SPTLC1: variants seen among roughly 807,000 people sequenced by gnomAD.
SPTLC1 encodes serine palmitoyltransferase long chain base subunit 1, also known as serine palmitoyltransferase 1.
SPTLC1 carries 55 observed loss-of-function variants against 68.9 expected under a neutral mutation model. That is an observed-to-expected ratio of 0.80 (90% CI 0.64 to 1.00). The LOEUF is 1.00. Among genes scored for constraint, SPTLC1 ranks in the 50% least tolerant of loss-of-function variants. The pLI is 0.00. For synonymous variants in SPTLC1, 197 were observed against 201.6 expected (o/e 0.98, Z 0.19); for missense variants, 449 against 573.1 (o/e 0.78, Z 2.21).
intron 2 of SPTLC1, chr9:92,112,020 A>G (rs543032297): frequency 6.1e-6 from 1 of 165,270 alleles, no homozygotes; most frequent in East Asian, 1.7e-4. Context: ...TTGATTTACC[A>G]TACACATAAA....
chr9:92,066,257 G>A (rs775836760), intron 6 of SPTLC1, among the ~76,000 whole-genome samples: 3 of 152,186 alleles, frequency 2.0e-5, no homozygotes, highest in Non-Finnish European at 4.4e-5. Context: ...GTGTGTGGGA[G>A]GGAGGCTTGA....
chr9:92,096,412 A>C (rs986267925), intron 3 of SPTLC1, among the ~76,000 whole-genome samples: 1 of 152,160 alleles, frequency 6.6e-6, no homozygotes, highest in African/African-American at 2.4e-5. Flanking sequence ...AAATCATCTT[A>C]TTATACATCT....
At chr9:92,075,167 TC>T (rs1235482114) in intron 5 of SPTLC1, among the ~76,000 whole-genome samples, 2 of 152,040 alleles carry the variant, frequency 1.3e-5, no homozygotes, top group Non-Finnish European at 2.9e-5. Context: ...GTACAGAGTA[TC>T]CCCCTCCAAA....
In SPTLC1 at chr9:92,032,285, T is replaced by C; in HGVS notation, c.*180A>G. 2 of 1,532,988 alleles carry C rather than the reference T, an allele frequency of 1.3e-6. No individual in the cohort carries two copies. Among genetic ancestry groups the C allele is most frequent in the Non-Finnish European group, 1.7e-6 (2 of 1,145,380 alleles). 95.0% of individuals were successfully genotyped at this position (1,532,988 alleles called of 1,614,324 possible). ...CTGGGCTTTTAGATGTGTTTTCTTT[T>C]TAAAAAAAATAAGCATCCTTCTCAT... On this transcript the variant is annotated 3_prime_UTR_variant, in exon 15 of 15. Coordinates refer to ENST00000262554, the MANE Select transcript of SPTLC1 (RefSeq NM_006415.4).
intron 6 of SPTLC1, among the ~76,000 whole-genome samples, chr9:92,059,840 C>T (rs751424873): frequency 7.9e-5 from 12 of 152,162 alleles, no homozygotes; most frequent in Non-Finnish European, 1.3e-4. Flanking sequence ...CTTTGACCCT[C>T]GAGAGGCTGT....
intron 3 of SPTLC1, among the ~76,000 whole-genome samples, chr9:92,107,542 G>A (rs1236747784): frequency 6.6e-6 from 1 of 152,220 alleles, no homozygotes; most frequent in Admixed American, 6.5e-5. Flanking sequence ...CACAAAGTCA[G>A]GAAATCGAGA....
At chr9:92,052,956 C>A (rs1299631130) in intron 8 of SPTLC1, among the ~76,000 whole-genome samples, 1 of 151,280 alleles carries the variant, frequency 6.6e-6, no homozygotes, top group African/African-American at 2.4e-5. Flanking sequence ...ATGAAACAAA[C>A]CCCCACAAAA....
At chr9:92,048,595 C>T (rs1273218637) in intron 9 of SPTLC1, among the ~76,000 whole-genome samples, 1 of 152,156 alleles carries the variant, frequency 6.6e-6, no homozygotes, top group Non-Finnish European at 1.5e-5. Flanking sequence ...CACCTATATC[C>T]CCTACCACCC....
chr9:92,054,291 A>G (rs1564090168), intron 8 of SPTLC1, among the ~76,000 whole-genome samples: 1 of 152,188 alleles, frequency 6.6e-6, no homozygotes, highest in Non-Finnish European at 1.5e-5. Flanking sequence ...CAAACAAAAA[A>G]CAAAACACAA....
rs150918358 is a variant in SPTLC1, at chr9:92,062,134, G to A, written c.561-2826C>T. Among the ~76,000 whole-genome samples, 1,218 of 152,138 alleles carry A rather than the reference G, an allele frequency of 8.0e-3. 3 individuals carry two copies. The highest frequency in any genetic ancestry group is 0.012 in the Non-Finnish European group (831 of 67,980). On this transcript the variant is annotated intron_variant, in intron 6 of 14. Coordinates refer to ENST00000262554, the MANE Select transcript of SPTLC1 (RefSeq NM_006415.4). The stretch of plus-strand genomic sequence containing the variant: ...AATAATATAGGTAGTAAAAAATACA[G>A]ATTTATACACACAACTATGTAATAT...
chr9:92,084,361 T>A (rs1436030018), intron 3 of SPTLC1, among the ~76,000 whole-genome samples: 2 of 152,170 alleles, frequency 1.3e-5, no homozygotes, highest in African/African-American at 4.8e-5. Context: ...CCATTCAGCA[T>A]GATATTGGCT....
chr9:92,108,479 T>C (rs1178525520), intron 3 of SPTLC1: 1 of 417,714 alleles, frequency 2.4e-6, no homozygotes, highest in African/African-American at 2.0e-5. Flanking sequence ...TCATTTTAAG[T>C]GTTCGACCAT....
rs1833856023 is a variant in SPTLC1, at chr9:92,055,457, A to G, written c.728T>C (p.Val243Ala). ...RKARVTRRFI[V>A]VEGLYMNTGT... Reference sequence around the variant, plus strand: ...AGTATTCATATACAATCCTTCTACTACAATGAAACGCCGAGTTACACGAGC... The same window carrying G: ...AGTATTCATATACAATCCTTCTACTGCAATGAAACGCCGAGTTACACGAGC... The change falls in exon 8 of 15, where the codon GTA (valine) becomes GCA (alanine). Residue 243 changes from valine to alanine, a missense_variant. Physicochemically the swap from Val to Ala is moderately conservative, Grantham distance 64. Transcript: ENST00000262554. 6.2e-7 allele frequency: 1 copy of G among 1,613,840 alleles called. No individual in the cohort carries two copies. The highest frequency in any genetic ancestry group is 8.5e-7 in the Non-Finnish European group (1 of 1,179,946).
At chr9:92,113,235 T>A (rs1836311383) in intron 1 of SPTLC1, among the ~76,000 whole-genome samples, 1 of 152,216 alleles carries the variant, frequency 6.6e-6, no homozygotes, top group Non-Finnish European at 1.5e-5. Flanking sequence ...ACGCATAGGA[T>A]TTGGGAGTAA....
chr9:92,089,283 C>T (rs1414680906), intron 3 of SPTLC1, among the ~76,000 whole-genome samples: 5 of 152,106 alleles, frequency 3.3e-5, no homozygotes, highest in Admixed American at 6.5e-5. Context: ...CATGGTGGCG[C>T]ATGCCTATAA....
chr9:92,047,714 G>A lies in SPTLC1; in HGVS notation c.889-6C>T, dbSNP rs753722633. The A allele has an allele frequency of 1.7e-5, 27 of 1,596,480 alleles. No individual in the cohort carries two copies. Among genetic ancestry groups the A allele is most frequent in the African/African-American group, 2.7e-5 (2 of 73,676 alleles). On this transcript the variant is annotated splice_polypyrimidine_tract_variant and splice_region_variant and intron_variant, in intron 9 of 14. Coordinates refer to ENST00000262554, the MANE Select transcript of SPTLC1 (RefSeq NM_006415.4). ...ATAAGATCAATATCATCAATCTGCCGGAAAAGGAGGAGTGACAGTTATTCC... is the reference window on the plus strand; with the variant it reads ...ATAAGATCAATATCATCAATCTGCCAGAAAAGGAGGAGTGACAGTTATTCC...
intron 5 of SPTLC1, chr9:92,079,496 C>T: frequency 6.2e-7 from 1 of 1,612,312 alleles, no homozygotes; most frequent in Non-Finnish European, 8.5e-7. Flanking sequence ...ATCATACATT[C>T]ATCAAATATT....
At chr9:92,070,080 A>G (rs1205371228) in intron 5 of SPTLC1, 3 of 152,210 alleles carry the variant, frequency 2.0e-5, no homozygotes, top group Non-Finnish European at 4.4e-5. Flanking sequence ...TACAGTTGCC[A>G]TAAGTGGGAA....
intron 1 of SPTLC1, chr9:92,114,777 C>T (rs1220813792): frequency 6.5e-6 from 1 of 153,040 alleles, no homozygotes; most frequent in Non-Finnish European, 1.5e-5. Flanking sequence ...ATCGACTAAA[C>T]TAGTTGTATC....
Sources: allele counts gnomAD v4.1 joint callset (sites outside exome capture counted in the v4.1 genomes callset), GRCh38; gene constraint gnomAD v4.1.1; transcripts MANE v1.5; gene names NCBI Gene and HGNC (gene_info 2026-07-23, HGNC 2026-07-21).